The following UBR3 variants were observed in gnomAD, a reference collection of about 807,000 sequenced individuals.
The protein encoded by UBR3 is E3 ubiquitin-protein ligase UBR3.
Under a neutral mutation model 243.2 loss-of-function variants are expected in UBR3, and 85 were observed. The observed-to-expected ratio is 0.35, with a 90% CI of 0.29 to 0.42. UBR3 has a LOEUF of 0.42. Ranked by LOEUF, UBR3 falls within the 10% of genes least tolerant of loss-of-function variation. UBR3 has a pLI of 1.00. For missense variants in UBR3, 1,686 were observed against 2,300.8 expected (o/e 0.73, Z 5.47); for synonymous variants, 748 against 799.8 (o/e 0.94, Z 1.09).
At chr2:169,999,399 C>G (rs2089611155) in intron 26 of UBR3, among the ~76,000 whole-genome samples, 1 of 152,196 alleles carries the variant, frequency 6.6e-6, no homozygotes, top group African/African-American at 2.4e-5. Context: ...ATGTAATACA[C>G]AGTACTTTCA....
At position 169,949,787 on chromosome 2, in the gene UBR3, A is replaced by G. The variant is rs745430551; in HGVS notation, c.3267A>G (p.Ile1089Met). The G allele has an allele frequency of 3.2e-6, 5 of 1,551,836 alleles. No individual in the cohort carries two copies. The highest frequency in any genetic ancestry group is 4.4e-6 in the Non-Finnish European group (5 of 1,146,876). The change falls in exon 23 of 39, where the codon ATA becomes ATG. Residue 1089 changes from isoleucine to methionine, a missense_variant. Physicochemically the swap from Ile to Met is conservative, Grantham distance 10. Coordinates refer to ENST00000272793, the MANE Select transcript of UBR3 (RefSeq NM_172070.4). ...TTAILEIKES[I>M]LSLLIKLHHK... ...CCATTTTGGAAATTAAAGAAAGCAT[A>G]TTGTCTTTGCTAATTAAACTTCACC...
At chr2:169,869,509 C>A (rs904952570) in intron 1 of UBR3, among the ~76,000 whole-genome samples, 2 of 152,068 alleles carry the variant, frequency 1.3e-5, no homozygotes, top group African/African-American at 4.8e-5. Flanking sequence ...AGGACGTGAG[C>A]CACCTCACCC....
intron 1 of UBR3, among the ~76,000 whole-genome samples, chr2:169,856,923 A>T (rs1015051992): frequency 8.5e-5 from 13 of 152,102 alleles, no homozygotes; most frequent in African/African-American, 3.1e-4. Context: ...CAAATATGAT[A>T]GGTAGAAAAA....
At chr2:169,972,353 C>T (rs2088199987) in intron 24 of UBR3, among the ~76,000 whole-genome samples, 1 of 152,112 alleles carries the variant, frequency 6.6e-6, no homozygotes, top group African/African-American at 2.4e-5. Flanking sequence ...GAACTGGTAC[C>T]ATTCCTTCTG....
At chr2:170,075,543 A>C (rs377515038) in intron 36 of UBR3, among the ~76,000 whole-genome samples, 3 of 152,180 alleles carry the variant, frequency 2.0e-5, no homozygotes, top group African/African-American at 4.8e-5. Flanking sequence ...GGTGATAATT[A>C]TTGTAGAGGC....
At chr2:169,859,710 T>G (rs1181716790) in intron 1 of UBR3, among the ~76,000 whole-genome samples, 2 of 151,664 alleles carry the variant, frequency 1.3e-5, no homozygotes, top group South Asian at 2.1e-4. Flanking sequence ...ATTTATTTAT[T>G]TATTTATTTA....
intron 23 of UBR3, among the ~76,000 whole-genome samples, chr2:169,957,271 AT>A (rs34356536): frequency 0.63 from 92,506 of 147,464 alleles, 29,042 homozygotes; most frequent in Non-Finnish European, 0.7. Context: ...GTATTGGTGG[AT>A]TTTTTTTTTT....
intron 19 of UBR3, 132 bp downstream of exon 19, chr2:169,933,140 A>AC: frequency 1.7e-6 from 1 of 605,796 alleles, no homozygotes. Context: ...ATAATAATTT[A>AC]AGGTTTAAAA....
chr2:169,877,726 A>G (rs966517262), intron 4 of UBR3, 89 bp downstream of exon 4: 58 of 1,313,438 alleles, frequency 4.4e-5, no homozygotes, highest in Non-Finnish European at 5.9e-5. Context: ...ATTGAAAAAA[A>G]TTATTTTGAA....
intron 1 of UBR3, 76 bp from the exon 2 acceptor site, chr2:169,872,160 G>A (rs895235545): frequency 8.5e-6 from 9 of 1,059,614 alleles, no homozygotes; most frequent in Middle Eastern, 2.7e-4. Flanking sequence ...TTCCATTTAC[G>A]AATATTGTAA....
intron 10 of UBR3, among the ~76,000 whole-genome samples, chr2:169,910,421 T>C (rs1470275605): frequency 6.6e-6 from 1 of 152,160 alleles, no homozygotes; most frequent in Non-Finnish European, 1.5e-5. Context: ...CTACTGTGTT[T>C]AGGATGAATT....
At chr2:169,893,913 G>A (rs2105326362) in intron 6 of UBR3, among the ~76,000 whole-genome samples, 1 of 151,858 alleles carries the variant, frequency 6.6e-6, no homozygotes, top group Admixed American at 6.6e-5. Flanking sequence ...TGATTCTCTT[G>A]GGCCCTGTTT....
intron 7 of UBR3, among the ~76,000 whole-genome samples, chr2:169,896,157 G>A (rs550310497): frequency 4.6e-4 from 70 of 152,104 alleles, no homozygotes; most frequent in Non-Finnish European, 9.0e-4. Context: ...GCGTGATGGC[G>A]TGTGCCTGTA....
chr2:170,025,003 C>T (rs527465574), intron 30 of UBR3, among the ~76,000 whole-genome samples: 53 of 152,110 alleles, frequency 3.5e-4, no homozygotes, highest in African/African-American at 8.2e-4. Context: ...GATTAATTGG[C>T]CTGCTTCTTG....
intron 1 of UBR3, among the ~76,000 whole-genome samples, chr2:169,864,195 G>A (rs2083179131): frequency 1.3e-5 from 2 of 152,048 alleles, no homozygotes; most frequent in Admixed American, 1.3e-4. Context: ...ATAGGTGCAT[G>A]CCACCACATC....
chr2:169,872,472 TTTTG>T, intron 2 of UBR3, 97 bp downstream of exon 2: 2 of 900,806 alleles, frequency 2.2e-6, no homozygotes, highest in Non-Finnish European at 3.2e-6. Context: ...AGATATCTTT[TTTTG>T]TTTAACATTT....
intron 10 of UBR3, among the ~76,000 whole-genome samples, chr2:169,909,416 A>G (rs1433529558): frequency 6.6e-6 from 1 of 152,140 alleles, no homozygotes; most frequent in Non-Finnish European, 1.5e-5. Flanking sequence ...GCTATGGTAA[A>G]TTGATCTCAC....
At chr2:170,073,012 C>T (rs2091733057) in intron 35 of UBR3, among the ~76,000 whole-genome samples, 1 of 152,082 alleles carries the variant, frequency 6.6e-6, no homozygotes, top group Admixed American at 6.6e-5. Flanking sequence ...CATTATTTAG[C>T]ACTCTCTCGT....
intron 10 of UBR3, among the ~76,000 whole-genome samples, chr2:169,908,623 T>G (rs1433514050): frequency 6.6e-6 from 1 of 152,202 alleles, no homozygotes; most frequent in African/African-American, 2.4e-5. Flanking sequence ...GAAGCTTTTG[T>G]AAGTGCTCTT....
Sources: allele counts gnomAD v4.1 joint callset (sites outside exome capture counted in the v4.1 genomes callset), GRCh38; gene constraint gnomAD v4.1.1; transcripts MANE v1.5; gene names NCBI Gene and HGNC (gene_info 2026-07-23, HGNC 2026-07-21).